SYBU: variants seen among roughly 807,000 people sequenced by gnomAD.
SYBU encodes syntabulin, also known as GOLSYN A protein.
Under a neutral mutation model 35.9 loss-of-function variants are expected in SYBU, and 21 were observed. That is an observed-to-expected ratio of 0.58 (90% CI 0.41 to 0.84). SYBU has a LOEUF of 0.84. Ranked by LOEUF, SYBU falls within the 40% of genes least tolerant of loss-of-function variation. The probability of loss-of-function intolerance (pLI) is 0.00; values close to 1 mark genes in which losing one functional copy is unlikely to be tolerated. For missense variants in SYBU, 768 were observed against 848.2 expected, an observed-to-expected ratio of 0.91 and a Z score of 1.17; for synonymous variants, 319 against 324.3, an observed-to-expected ratio of 0.98 and a Z score of 0.18.
chr8:109,630,471 G>A (rs1481979059), intron 2 of SYBU, among the ~76,000 whole-genome samples: 1 of 152,020 alleles, frequency 6.6e-6, no homozygotes, highest in Non-Finnish European at 1.5e-5. Context: ...AACCCATTTG[G>A]AGGCCACTAC....
intron 1 of SYBU, among the ~76,000 whole-genome samples, chr8:109,670,755 C>A (rs1164127948): frequency 6.6e-6 from 1 of 152,098 alleles, no homozygotes; most frequent in African/African-American, 2.4e-5. Context: ...ACCAAACAAT[C>A]CTGATTCCTT....
At chr8:109,618,236 T>G (rs2022929) in intron 3 of SYBU, among the ~76,000 whole-genome samples, 12,418 of 152,316 alleles carry the variant, frequency 0.082, 813 homozygotes, top group Admixed American at 0.2. Flanking sequence ...GTGCAGATTC[T>G]GAGAATTGAC....
upstream of SYBU, among the ~76,000 whole-genome samples, chr8:109,682,661 A>G (rs1817428111): frequency 6.6e-6 from 1 of 152,252 alleles, no homozygotes; most frequent in Admixed American, 6.5e-5. Context: ...TATTCAAGCC[A>G]GCTGCAGAAA....
At chr8:109,603,515 A>C in intron 3 of SYBU, 1 of 410,160 alleles carries the variant, frequency 2.4e-6, no homozygotes, top group Non-Finnish European at 3.3e-6. Flanking sequence ...ACCCCCCTAC[A>C]CAAGTTAACT....
intron 3 of SYBU, among the ~76,000 whole-genome samples, chr8:109,600,625 C>G (rs1199571711): frequency 6.6e-6 from 1 of 152,126 alleles, no homozygotes; most frequent in Non-Finnish European, 1.5e-5. Context: ...TGGAAATGGG[C>G]AAAAACTCTG....
At chr8:109,604,218 A>AC (rs1825837589) in intron 3 of SYBU, among the ~76,000 whole-genome samples, 2 of 152,176 alleles carry the variant, frequency 1.3e-5, no homozygotes, top group Non-Finnish European at 1.5e-5. Context: ...TTAAAAAAAA[A>AC]CACTGCCTCT....
In SYBU at chr8:109,582,656, C is replaced by T. The variant is rs114266269; in HGVS notation, c.531-2654G>A. Among the ~76,000 whole-genome samples the T allele has an allele frequency of 6.1e-3, 926 of 152,212 alleles. 10 individuals are homozygous for T. The highest frequency in any genetic ancestry group is 0.019 in the African/African-American group (806 of 41,536). Reference sequence around the variant, plus strand: ...GGACTTCAGGTAATATCATCATCATCGTCATCATCATCATCACCATCATCA... The same window carrying T: ...GGACTTCAGGTAATATCATCATCATTGTCATCATCATCATCACCATCATCA... On this transcript the variant is annotated intron_variant, in intron 4 of 6. Coordinates refer to ENST00000276646, the MANE Select transcript of SYBU (RefSeq NM_001099754.2).
intron 2 of SYBU, among the ~76,000 whole-genome samples, chr8:109,633,701 A>G (rs1025286850): frequency 6.6e-6 from 1 of 152,106 alleles, no homozygotes; most frequent in Middle Eastern, 3.2e-3. Flanking sequence ...CCTGGGAAAC[A>G]TGAAAATGTG....
intron 6 of SYBU, 115 bp from the exon 7 acceptor site, chr8:109,576,128 C>G (rs1822286130): frequency 1.6e-6 from 2 of 1,251,910 alleles, no homozygotes; most frequent in African/African-American, 3.0e-5. Context: ...AGAGCTCATA[C>G]TCTTCCACTT....
chr8:109,616,002 CTTTCTTTTTT>C (rs1811728202), intron 3 of SYBU, among the ~76,000 whole-genome samples: 4 of 99,288 alleles, frequency 4.0e-5, no homozygotes, highest in Non-Finnish European at 5.8e-5. Flanking sequence ...CTTTTCTTTT[CTTTCTTTTTT>C]TTTTTTTTTT....
In SYBU at chr8:109,593,102, A is replaced by T. The variant is rs147173119; in HGVS notation, c.428-6940T>A. Among the ~76,000 whole-genome samples, 6 of 152,340 alleles carry T rather than the reference A, an allele frequency of 3.9e-5. No individual in the cohort carries two copies. In the East Asian group the frequency reaches 1.2e-3, roughly 29 times the overall value. ...TCTGGGAAACTCTCACAAAAATTCC[A>T]GTTCAGAAGATCTGGGAGGAGGGTG... On this transcript the variant is annotated intron_variant, in intron 3 of 6. Coordinates refer to ENST00000276646, the MANE Select transcript of SYBU (RefSeq NM_001099754.2).
upstream of SYBU, among the ~76,000 whole-genome samples, chr8:109,683,768 T>C (rs372999111): frequency 5.6e-4 from 86 of 152,280 alleles, no homozygotes; most frequent in East Asian, 0.01. Flanking sequence ...CAACGTGTCA[T>C]GGGAGTTACC....
rs1010405497 is a variant in SYBU, at chr8:109,575,812, T to G, written c.1086A>C (p.Ile362=). 2 of 1,614,000 alleles carry G rather than the reference T, an allele frequency of 1.2e-6. No individual in the cohort carries two copies. Among genetic ancestry groups the G allele is most frequent in the African/African-American group, 1.3e-5 (1 of 74,906 alleles). Residue 362 remains isoleucine, a synonymous_variant, in exon 7 of 7, where the codon ATA becomes ATC. Transcript: ENST00000276646. ...DKGIQKYFVD[I]NIQNKKLESL... ...ACTCCAGCTTCTTGTTTTGGATGTT[T>G]ATGTCCACAAAATATTTCTGAATGC...
Position 109,691,474 on chromosome 8 carries a change from C to G in SYBU, c.-199G>C. On this transcript the variant is annotated 5_prime_UTR_variant, in exon 1 of 8. Coordinates refer to the SYBU transcript ENST00000422135. The surrounding 1 kb of genome is among the most constrained non-coding windows in gnomAD (Gnocchi z 4.7). ...CTGGTTTGCGCTCAGGCCCGGGGAG[C>G]CGGGCCCGGCCCGCTCCGCCCGCCT... is the stretch of plus-strand genomic sequence containing the variant. 1.8e-6 allele frequency: 1 copy of G among 543,842 alleles called. No homozygotes were observed. The highest frequency in any genetic ancestry group is 3.4e-5 in the East Asian group (1 of 29,264). 33.7% of individuals were successfully genotyped at this position (543,842 alleles called of 1,614,324 possible).
upstream of SYBU, among the ~76,000 whole-genome samples, chr8:109,685,766 G>A (rs1028992112): frequency 1.2e-4 from 18 of 152,178 alleles, no homozygotes; most frequent in African/African-American, 3.6e-4. Context: ...ATTTGAGGAG[G>A]CATAATTTTT....
At chr8:109,684,063 A>C (rs1431812970), upstream of SYBU, among the ~76,000 whole-genome samples, 1 of 152,210 alleles carries the variant, frequency 6.6e-6, no homozygotes, top group Non-Finnish European at 1.5e-5. Flanking sequence ...TGTGAGAACA[A>C]ACTAATACAC....
At chr8:109,640,737 A>G (rs1259361577) in intron 2 of SYBU, among the ~76,000 whole-genome samples, 2 of 150,982 alleles carry the variant, frequency 1.3e-5, no homozygotes, top group Non-Finnish European at 2.9e-5. Context: ...TAAGTTTTAA[A>G]ACATAATATT....
chr8:109,629,033 A>G (rs939298449), intron 2 of SYBU, among the ~76,000 whole-genome samples: 7 of 152,162 alleles, frequency 4.6e-5, no homozygotes, highest in Admixed American at 6.5e-5. Context: ...ACAGAGAAAT[A>G]AGTACAAAAA....
At chr8:109,588,584 T>TA (rs1823881861) in intron 3 of SYBU, among the ~76,000 whole-genome samples, 1 of 152,218 alleles carries the variant, frequency 6.6e-6, no homozygotes, top group South Asian at 2.1e-4. Context: ...TAATGCAGTG[T>TA]AAAAATCAGT....
Sources: gnomAD v4.1 joint callset for allele counts (sites outside exome capture counted in the v4.1 genomes callset) on GRCh38, gnomAD v4.1.1 for gene constraint, Gnocchi (gnomAD v3.1) non-coding constraint, MANE v1.5 for transcripts, NCBI Gene and HGNC (gene_info 2026-07-23, HGNC 2026-07-21) for gene names.